The following CPEB1 variants were observed in gnomAD, a reference collection of about 807,000 sequenced individuals.
The protein encoded by CPEB1 is cytoplasmic polyadenylation element-binding protein 1.
CPEB1 carries 7 observed loss-of-function variants against 65.8 expected under a neutral mutation model. The ratio of observed to expected loss-of-function variants is 0.11; its 90% CI spans 0.06 to 0.20. The LOEUF (loss-of-function observed/expected upper bound fraction) is 0.20, where lower values mean the gene tolerates loss of function less well. Among genes scored for constraint, CPEB1 ranks in the 10% least tolerant of loss-of-function variants. The pLI is 1.00. For missense variants in CPEB1, 551 were observed against 712.2 expected (o/e 0.77, Z 2.58); for synonymous variants, 262 against 260.0 (o/e 1.01, Z -0.08).
chr15:82,548,828 T>A, intron 10 of CPEB1: 1 of 371,886 alleles, frequency 2.7e-6, no homozygotes, highest in East Asian at 9.1e-5. Context: ...AGACTAAGCA[T>A]TTGGGGAGGT....
rs148812468 is a variant in CPEB1 at position 82,566,308 on chromosome 15, C to A, written c.460+5036G>T. 2.9e-3 allele frequency among the ~76,000 whole-genome samples: 438 copies of A among 152,244 alleles called. 4 individuals carry two copies. Among genetic ancestry groups the A allele is most frequent in the African/African-American group, 0.01 (423 of 41,542 alleles). On this transcript the variant is annotated intron_variant, in intron 4 of 12. Transcript: ENST00000684509. Reference sequence around the variant, plus strand: ...TAGTCTAATGGGGGAAAAAATCTAACGGGGAAAATCCAGACCAGGAGCCAT... The same window carrying A: ...TAGTCTAATGGGGGAAAAAATCTAAAGGGGAAAATCCAGACCAGGAGCCAT...
At chr15:82,629,959 C>T (rs916672755) in intron 1 of CPEB1, 3 of 985,284 alleles carry the variant, frequency 3.0e-6, no homozygotes, top group African/African-American at 3.5e-5. Flanking sequence ...ATACACAATC[C>T]TACAAGGTTG....
intron 9 of CPEB1, 113 bp from the exon 10 acceptor site, chr15:82,549,771 G>C: frequency 1.0e-6 from 1 of 985,302 alleles, no homozygotes; most frequent in Non-Finnish European, 1.5e-6. Context: ...CGCCCTTACA[G>C]GGGTGAAAAG....
intron 1 of CPEB1, among the ~76,000 whole-genome samples, chr15:82,646,302 C>T (rs1044504464): frequency 2.6e-5 from 4 of 152,214 alleles, no homozygotes; most frequent in African/African-American, 9.6e-5. Context: ...AGGAACCCCA[C>T]CCACTTGCCC....
At chr15:82,571,037 G>A (rs2039950138) in intron 4 of CPEB1, among the ~76,000 whole-genome samples, 1 of 152,178 alleles carries the variant, frequency 6.6e-6, no homozygotes, top group Non-Finnish European at 1.5e-5. Flanking sequence ...CAGGGGGTTA[G>A]CTGGATCTTT....
intron 3 of CPEB1, among the ~76,000 whole-genome samples, chr15:82,616,587 G>T (rs766899841): frequency 7.1e-6 from 1 of 140,114 alleles, no homozygotes; most frequent in African/African-American, 2.7e-5. Context: ...TCATCGCCCA[G>T]ACTGGAGTGC....
At chr15:82,611,389 G>GT (rs1363913436) in intron 3 of CPEB1, among the ~76,000 whole-genome samples, 1 of 152,066 alleles carries the variant, frequency 6.6e-6, no homozygotes, top group Non-Finnish European at 1.5e-5. Context: ...ACTGAAAACT[G>GT]TAAGAAATCA....
At chr15:82,581,613 C>T (rs932356044) in intron 3 of CPEB1, among the ~76,000 whole-genome samples, 2 of 152,192 alleles carry the variant, frequency 1.3e-5, no homozygotes, top group Non-Finnish European at 2.9e-5. Flanking sequence ...CGACAATTTA[C>T]ATTTTAATAA....
intron 3 of CPEB1, among the ~76,000 whole-genome samples, chr15:82,573,651 G>A (rs116875482): frequency 0.018 from 2,680 of 152,098 alleles, 30 homozygotes; most frequent in Non-Finnish European, 0.025. Flanking sequence ...CATCCCTCAC[G>A]AGGAGAGAAT....
At chr15:82,604,350 T>A (rs909526521) in intron 3 of CPEB1, among the ~76,000 whole-genome samples, 4 of 151,812 alleles carry the variant, frequency 2.6e-5, no homozygotes, top group African/African-American at 4.8e-5. Context: ...GGCATGGTAG[T>A]GGGCACCTGT....
intron 3 of CPEB1, chr15:82,571,786 C>T: frequency 1.6e-6 from 2 of 1,267,902 alleles, no homozygotes; most frequent in South Asian, 5.1e-5. Context: ...TGTGATCAGG[C>T]TGCTGATGCT....
chr15:82,550,095 G>A (rs2035983787), intron 9 of CPEB1, among the ~76,000 whole-genome samples: 1 of 152,170 alleles, frequency 6.6e-6, no homozygotes, highest in African/African-American at 2.4e-5. Flanking sequence ...AGAGGGGTGG[G>A]AGTGCTTACG....
chr15:82,550,293 G>A (rs2150940871), intron 9 of CPEB1, among the ~76,000 whole-genome samples: 1 of 152,350 alleles, frequency 6.6e-6, no homozygotes, highest in South Asian at 2.1e-4. Context: ...TGTAGAGCAG[G>A]TGGAGGAGTC....
intron 3 of CPEB1, among the ~76,000 whole-genome samples, chr15:82,575,534 C>T (rs188717359): frequency 3.9e-5 from 6 of 152,172 alleles, no homozygotes; most frequent in Admixed American, 2.6e-4. Flanking sequence ...TTACGCAAGC[C>T]ACAATATGTG....
At chr15:82,637,145 C>A (rs923709362) in intron 1 of CPEB1, among the ~76,000 whole-genome samples, 10 of 152,156 alleles carry the variant, frequency 6.6e-5, no homozygotes, top group Non-Finnish European at 1.0e-4. Context: ...GGAACTTTGA[C>A]CAAGATTTTC....
intron 3 of CPEB1, among the ~76,000 whole-genome samples, chr15:82,580,223 A>G (rs2041136730): frequency 2.0e-5 from 3 of 151,474 alleles, no homozygotes; most frequent in African/African-American, 7.3e-5. Flanking sequence ...CGAGAGGCTG[A>G]GGCAGAAGAA....
rs11858675 is a variant in CPEB1, at chr15:82,590,218, A to C, written c.272-18686T>G. ...CCCCTCATCCCTTTGACAAAAAAAA[A>C]AAAAAAAAAAAAAAAAAAAAAACAG... On this transcript the variant is annotated intron_variant, in intron 3 of 12. Transcript: ENST00000684509. 4.0e-4 allele frequency among the ~76,000 whole-genome samples: 31 copies of C among 77,356 alleles called. No individual in the cohort carries two copies. The East Asian group carries it at 9.1e-3, about 23-fold the overall frequency. The allele number at this position is 77,356 out of a possible 152,430, so 50.7% of individuals were successfully genotyped here.
chr15:82,634,096 A>G (rs1393013230), intron 1 of CPEB1, among the ~76,000 whole-genome samples: 1 of 152,090 alleles, frequency 6.6e-6, no homozygotes, highest in Non-Finnish European at 1.5e-5. Flanking sequence ...ATTAAATTAT[A>G]TCACTGTTAC....
At chr15:82,594,246 T>C (rs977633478) in intron 3 of CPEB1, among the ~76,000 whole-genome samples, 1 of 152,238 alleles carries the variant, frequency 6.6e-6, no homozygotes, top group Admixed American at 6.5e-5. Context: ...ATCTTACCAA[T>C]GATCTTAGCT....
Sources: gnomAD v4.1 joint callset for allele counts (sites outside exome capture counted in the v4.1 genomes callset) on GRCh38, gnomAD v4.1.1 for gene constraint, MANE v1.5 for transcripts, NCBI Gene and HGNC (gene_info 2026-07-23, HGNC 2026-07-21) for gene names.